Variants in SLC25A40 observed in about 807,000 individuals in gnomAD.
SLC25A40 encodes the protein solute carrier family 25 member 40, also known as mitochondrial glutathione transporter SLC25A40.
Under a neutral mutation model 46.5 loss-of-function variants are expected in SLC25A40, and 41 were observed. The observed-to-expected ratio is 0.88, with a 90% CI of 0.69 to 1.14. The LOEUF is 1.14. Among genes scored for constraint, SLC25A40 ranks in the 50% most tolerant of loss-of-function variants. The pLI is 0.00. For missense variants in SLC25A40, 386 were observed against 393.6 expected, an observed-to-expected ratio of 0.98 and a Z score of 0.16; for synonymous variants, 126 against 127.5, an observed-to-expected ratio of 0.99 and a Z score of 0.08.
chr7:87,863,767 T>C (rs1179369099), intron 1 of SLC25A40, among the ~76,000 whole-genome samples: 1 of 152,124 alleles, frequency 6.6e-6, no homozygotes, highest in Non-Finnish European at 1.5e-5. Flanking sequence ...AACAGATTAT[T>C]AAGTATGCTT....
At chr7:87,873,705 T>C (rs1234888252) in intron 1 of SLC25A40, among the ~76,000 whole-genome samples, 1 of 152,104 alleles carries the variant, frequency 6.6e-6, no homozygotes, top group African/African-American at 2.4e-5. Flanking sequence ...GCTGGGATTA[T>C]AGGCTTGAGC....
At chr7:87,863,778 A>G (rs1183809073) in intron 1 of SLC25A40, among the ~76,000 whole-genome samples, 1 of 152,104 alleles carries the variant, frequency 6.6e-6, no homozygotes, top group Non-Finnish European at 1.5e-5. Flanking sequence ...AAGTATGCTT[A>G]CTCAACGATC....
At chr7:87,849,399 C>T (rs1838473236) in intron 6 of SLC25A40, among the ~76,000 whole-genome samples, 3 of 152,194 alleles carry the variant, frequency 2.0e-5, no homozygotes, top group Non-Finnish European at 4.4e-5. Context: ...TAGTACACTT[C>T]TTTCCTTCTG....
At chr7:87,865,448 G>C (rs1838777780) in intron 1 of SLC25A40, among the ~76,000 whole-genome samples, 1 of 152,138 alleles carries the variant, frequency 6.6e-6, no homozygotes, top group African/African-American at 2.4e-5. Context: ...AGTTATGAGT[G>C]AATTGCACAC....
chr7:87,849,784 T>C (rs766945713), intron 6 of SLC25A40, 97 bp downstream of exon 6: 3 of 853,886 alleles, frequency 3.5e-6, no homozygotes, highest in Non-Finnish European at 5.3e-6. Flanking sequence ...ATGAAAGCAT[T>C]CTAATATTAA....
At chr7:87,850,254 C>T (rs1415229264) in intron 5 of SLC25A40, among the ~76,000 whole-genome samples, 2 of 152,034 alleles carry the variant, frequency 1.3e-5, no homozygotes, top group African/African-American at 4.8e-5. Context: ...AGAGCAAAAG[C>T]AGAGAACTGG....
At chr7:87,838,638 T>C (rs1838289490) in intron 10 of SLC25A40, among the ~76,000 whole-genome samples, 1 of 151,512 alleles carries the variant, frequency 6.6e-6, no homozygotes, top group Admixed American at 6.6e-5. Context: ...TTATTTTTCC[T>C]CCTTCTCAAA....
intron 1 of SLC25A40, among the ~76,000 whole-genome samples, chr7:87,868,045 G>GTACC (rs780186205): frequency 2.6e-5 from 4 of 152,176 alleles, no homozygotes; most frequent in Admixed American, 2.6e-4. Context: ...AGGGATGGTG[G>GTACC]TACCACCTCC....
chr7:87,859,221 G>A (rs1011552017), intron 2 of SLC25A40, among the ~76,000 whole-genome samples: 19 of 152,158 alleles, frequency 1.2e-4, no homozygotes, highest in Middle Eastern at 3.4e-3. Context: ...TTTGGAGGCC[G>A]AGGCGGGCGC....
intron 1 of SLC25A40, among the ~76,000 whole-genome samples, chr7:87,861,170 A>T (rs1838692540): frequency 6.6e-6 from 1 of 152,202 alleles, no homozygotes; most frequent in South Asian, 2.1e-4. Context: ...TTTAGCCTAC[A>T]AGACTATTGT....
intron 5 of SLC25A40, among the ~76,000 whole-genome samples, chr7:87,853,632 A>T (rs1278845634): frequency 2.0e-5 from 3 of 152,200 alleles, no homozygotes; most frequent in Non-Finnish European, 2.9e-5. Flanking sequence ...ACATGCAACA[A>T]CCTGGATGAA....
chr7:87,840,800 G>A (rs1838319518), intron 10 of SLC25A40, among the ~76,000 whole-genome samples: 2 of 151,750 alleles, frequency 1.3e-5, no homozygotes, highest in Admixed American at 1.3e-4. Flanking sequence ...AGACAAGGAT[G>A]TCACCAACAT....
At chr7:87,865,637 T>C (rs1160121771) in intron 1 of SLC25A40, among the ~76,000 whole-genome samples, 1 of 152,096 alleles carries the variant, frequency 6.6e-6, no homozygotes, top group Non-Finnish European at 1.5e-5. Flanking sequence ...CCAGGTGCAG[T>C]GGTGCATGCC....
rs1838240736 is a variant in SLC25A40, at chr7:87,835,332, T to G, written c.*917A>C. 6.6e-6 allele frequency: 1 copy of G among 151,674 alleles called. No homozygotes were observed. The highest frequency in any genetic ancestry group is 2.4e-5 in the African/African-American group (1 of 41,390). 9.4% of individuals were successfully genotyped at this position (151,674 alleles called of 1,614,324 possible). On this transcript the variant is annotated 3_prime_UTR_variant, in exon 12 of 12. Coordinates refer to ENST00000341119, the MANE Select transcript of SLC25A40 (RefSeq NM_018843.4). ...ATCAAAGGATATTTTAGAAATATCT[T>G]GTAACTATTGTTGTAGCAATAATCT... is the stretch of plus-strand genomic sequence containing the variant.
chr7:87,865,884 C>A (rs554991212), intron 1 of SLC25A40, among the ~76,000 whole-genome samples: 1 of 152,126 alleles, frequency 6.6e-6, no homozygotes, highest in East Asian at 1.9e-4. Context: ...GAGTTGAAGA[C>A]CAGCATGGGC....
chr7:87,850,661 G>A (rs1838493734), intron 5 of SLC25A40, among the ~76,000 whole-genome samples: 1 of 151,944 alleles, frequency 6.6e-6, no homozygotes, highest in Non-Finnish European at 1.5e-5. Flanking sequence ...CCAGCTACTT[G>A]GGAGTCTGAG....
At chr7:87,839,307 T>C (rs1452965613) in intron 10 of SLC25A40, among the ~76,000 whole-genome samples, 3 of 151,442 alleles carry the variant, frequency 2.0e-5, no homozygotes, top group Non-Finnish European at 4.4e-5. Context: ...AAATATAATA[T>C]AGAAATATTG....
intron 4 of SLC25A40, among the ~76,000 whole-genome samples, chr7:87,854,871 A>G (rs1453331075): frequency 3.3e-5 from 5 of 151,650 alleles, no homozygotes. Flanking sequence ...CAGAACTGCA[A>G]TAAGAAAATG....
chr7:87,847,183 TA>T (rs1411184051), intron 7 of SLC25A40, 61 bp from the exon 8 acceptor site: 2 of 1,197,078 alleles, frequency 1.7e-6, no homozygotes, highest in African/African-American at 3.1e-5. Context: ...TGCAAACACA[TA>T]TACTGTAAAA....
Sources: gnomAD v4.1 joint callset for allele counts (sites outside exome capture counted in the v4.1 genomes callset) on GRCh38, gnomAD v4.1.1 for gene constraint, MANE v1.5 for transcripts, NCBI Gene and HGNC (gene_info 2026-07-23, HGNC 2026-07-21) for gene names.